OTOF: variants seen among roughly 807,000 people sequenced by gnomAD.
OTOF encodes the protein otoferlin.
OTOF carries 218 observed loss-of-function variants against 236.8 expected under a neutral mutation model. That is an observed-to-expected ratio of 0.92 (90% CI 0.82 to 1.03). The LOEUF is 1.03. Among genes scored for constraint, OTOF ranks in the 50% least tolerant of loss-of-function variants. The pLI is 0.00. For synonymous variants in OTOF, 1,041 were observed against 1,072.5 expected (o/e 0.97, Z 0.57); for missense variants, 2,590 against 2,694.4 (o/e 0.96, Z 0.86).
rs145866262 is a variant in OTOF at position 26,472,592 on chromosome 2, G to T, written c.3791C>A (p.Thr1264Lys). 3 of 1,613,164 alleles carry T rather than the reference G, an allele frequency of 1.9e-6. No homozygotes were observed. The highest frequency in any genetic ancestry group is 2.5e-6 in the Non-Finnish European group (3 of 1,179,854). ...LCNGGSSSHS[T>K]GEVVVTMEPE... is the part of the protein sequence containing the mutation. ...CTCCATAGTCACCACAACCTCCCCT[G>T]TGGAGTGAGAGGAGGAGCCCCCATT... The change falls in exon 30 of 47, where the codon ACA becomes AAA. Residue 1264 changes from threonine to lysine, a missense_variant. By Grantham distance (78) the Thr-to-Lys change is moderately conservative (BLOSUM62 -1). Around this residue, in one of 2 missense-constraint regions of OTOF, gnomAD observed 1,211 missense variants for 1,352.8 expected, o/e 0.90. Transcript: ENST00000272371.
chr2:26,526,238 A>G (rs949895453), intron 3 of OTOF, among the ~76,000 whole-genome samples: 7 of 151,896 alleles, frequency 4.6e-5, no homozygotes, highest in South Asian at 2.1e-4. Context: ...GAATGAATGG[A>G]TGAAAGGAAG....
Position 26,473,775 on chromosome 2 carries a change from T to G in OTOF, c.3409-208A>C, listed in dbSNP as rs1572421908. Among the ~76,000 whole-genome samples the G allele has an allele frequency of 6.6e-6, 1 of 151,614 alleles. No homozygotes were observed. Among genetic ancestry groups the G allele is most frequent in the Admixed American group, 6.6e-5 (1 of 15,236 alleles). ...AGGGTGGGGCTGCCCGGAGAAGGGG[T>G]GCAGGGTCAGGGGTGCAGACAGGAG... On this transcript the variant is annotated intron_variant, in intron 27 of 46. Transcript: ENST00000272371. This position sits in a 1 kb window ranked among gnomAD's most constrained non-coding sequence, Gnocchi z 7.2.
At chr2:26,516,367 C>T (rs1456952182) in intron 5 of OTOF, 51 bp downstream of exon 5, 5 of 1,558,870 alleles carry the variant, frequency 3.2e-6, no homozygotes, top group African/African-American at 1.4e-5. Flanking sequence ...CCCCAGGTCT[C>T]TTCCCCGTGT....
chr2:26,503,664 G>A, intron 6 of OTOF, 108 bp downstream of exon 6: 1 of 955,314 alleles, frequency 1.0e-6, no homozygotes, highest in Non-Finnish European at 1.7e-6. Context: ...CCTGGCCCTG[G>A]GACGACCTAT....
chr2:26,497,550 C>A (rs1464758038), intron 8 of OTOF, among the ~76,000 whole-genome samples: 1 of 152,180 alleles, frequency 6.6e-6, no homozygotes, highest in Non-Finnish European at 1.5e-5. Flanking sequence ...AAATGATCAT[C>A]CAGTGTCCAT....
chr2:26,475,608 G>T, intron 24 of OTOF, 115 bp from the exon 25 acceptor site: 1 of 1,195,880 alleles, frequency 8.4e-7, no homozygotes, highest in South Asian at 1.3e-5. Flanking sequence ...GGAGTGACAG[G>T]TGTCTTGATT....
At chr2:26,499,642 G>C (rs1420971830) in intron 8 of OTOF, among the ~76,000 whole-genome samples, 1 of 152,006 alleles carries the variant, frequency 6.6e-6, no homozygotes, top group Non-Finnish European at 1.5e-5. Context: ...CAAGTAGCTG[G>C]GATTACAGGT....
intron 3 of OTOF, among the ~76,000 whole-genome samples, chr2:26,521,577 T>G (rs2148106057): frequency 6.6e-6 from 1 of 152,302 alleles, no homozygotes; most frequent in Non-Finnish European, 1.5e-5. Flanking sequence ...GATACTCCGG[T>G]GGTGGTGACA....
chr2:26,462,300 G>C lies in OTOF; in HGVS notation c.5193-119C>G. 1.2e-6 allele frequency: 1 copy of C among 858,536 alleles called. No individual in the cohort carries two copies. Among genetic ancestry groups the C allele is most frequent in the East Asian group, 2.5e-5 (1 of 40,664 alleles). 53.2% of individuals were successfully genotyped at this position (858,536 alleles called of 1,614,324 possible). A position where few individuals can be genotyped will look rare whatever the true frequency, so the allele number is the denominator to read the frequency against. On this transcript the variant is annotated intron_variant, in intron 41 of 46. Coordinates refer to ENST00000272371, the MANE Select transcript of OTOF (RefSeq NM_194248.3). The surrounding 1 kb of genome is among the most constrained non-coding windows in gnomAD (Gnocchi z 4.7). ...GGGTCTTGGGGTCAGCACAGGGCCT[G>C]GGCCAGGCTGGGGCTGGAGGAGTGG...
At chr2:26,488,756 G>A (rs1470629764) in intron 11 of OTOF, among the ~76,000 whole-genome samples, 4 of 152,192 alleles carry the variant, frequency 2.6e-5, no homozygotes, top group Non-Finnish European at 5.9e-5. Flanking sequence ...AAAAGGGGAC[G>A]GCAGGGTCCT....
intron 5 of OTOF, among the ~76,000 whole-genome samples, chr2:26,508,267 C>T (rs758286291): frequency 7.2e-5 from 11 of 152,190 alleles, no homozygotes; most frequent in Non-Finnish European, 1.6e-4. Context: ...TTCAAAACCT[C>T]GGAGCATGTT....
At position 26,518,859 on chromosome 2, in the gene OTOF, C is replaced by T. The variant is rs1029008275; in HGVS notation, c.327+151G>A. On this transcript the variant is annotated intron_variant, in intron 4 of 46. Coordinates refer to ENST00000272371, the MANE Select transcript of OTOF (RefSeq NM_194248.3). Reference sequence around the variant, plus strand: ...AGCCATGGCCACAGATTGAGCCATTCCAGCAGAGTCTGACCTGAGTCTCCT... The same window carrying T: ...AGCCATGGCCACAGATTGAGCCATTTCAGCAGAGTCTGACCTGAGTCTCCT... 4.3e-6 allele frequency: 3 copies of T among 697,534 alleles called. No individual in the cohort carries two copies. The African/African-American group carries it at 5.2e-5, about 12-fold the overall frequency. The allele number at this position is 697,534 out of a possible 1,614,324, so 43.2% of individuals were successfully genotyped here.
chr2:26,481,133 C>T (rs1276281461), intron 14 of OTOF, 124 bp from the exon 15 acceptor site: 4 of 702,750 alleles, frequency 5.7e-6, no homozygotes, highest in African/African-American at 5.3e-5. Flanking sequence ...TTCATGTGTG[C>T]CATTCAGGTG....
At chr2:26,555,759 C>A (rs1409948259) in intron 1 of OTOF, among the ~76,000 whole-genome samples, 1 of 152,220 alleles carries the variant, frequency 6.6e-6, no homozygotes, top group East Asian at 1.9e-4. Flanking sequence ...CACATGGGGC[C>A]CTCTGCTGGT....
chr2:26,474,673 C>A lies in OTOF; in HGVS notation c.3128G>T (p.Gly1043Val). Residue 1043 changes from glycine (G) to valine (V), a missense_variant and splice_region_variant, in exon 26 of 47, where the codon GGC (glycine) becomes GTC (valine). Coordinates refer to ENST00000272371, the MANE Select transcript of OTOF (RefSeq NM_194248.3). ...GGTCCGGCCCATGAAGTCAGCTTTG[C>A]CCTGACGCAACAGACAACCCAGAAG... Reference protein sequence around the residue: ...VIEIYDQDSMGKADFMGRTFA... With the variant: ...VIEIYDQDSMVKADFMGRTFA... 1 of 1,613,228 alleles carries A rather than the reference C, an allele frequency of 6.2e-7. No homozygotes were observed. The highest frequency in any genetic ancestry group is 8.5e-7 in the Non-Finnish European group (1 of 1,179,994).
Position 26,480,295 on chromosome 2 carries a change from A to C in OTOF, c.1820T>G (p.Met607Arg), listed in dbSNP as rs1481482514. 6.2e-7 allele frequency: 1 copy of C among 1,607,482 alleles called. No homozygotes were observed. Among genetic ancestry groups the C allele is most frequent in the East Asian group, 2.2e-5 (1 of 44,872 alleles). The change falls in exon 16 of 47, where the codon ATG becomes AGG. Residue 607 changes from methionine to arginine, a missense_variant. Coordinates refer to ENST00000272371, the MANE Select transcript of OTOF (RefSeq NM_194248.3). ...TPISESCAGKMEEFFLFGAFL... is the reference protein window; with the variant it reads ...TPISESCAGKREEFFLFGAFL... ...GGCTCCAAAGAGAAAGAATTCTTCC[A>C]TTTTACCTGCACAGCTCTGTGGGGA...
chr2:26,477,170 A>G lies in OTOF; in HGVS notation c.2523+2T>C. On this transcript the variant is annotated splice_donor_variant, in intron 21 of 46. Transcript: ENST00000272371. LOFTEE classifies it high-confidence loss of function. This position sits in a 1 kb window ranked among gnomAD's most constrained non-coding sequence, Gnocchi z 4.7. The stretch of plus-strand genomic sequence containing the variant: ...GCAAAGCCCCGACCCCTTGGGCCGC[A>G]CCTCGTCCGCCAGGAAGCGCAGCTT... The G allele has an allele frequency of 6.2e-7, 1 of 1,609,314 alleles. No individual in the cohort carries two copies. The highest frequency in any genetic ancestry group is 8.5e-7 in the Non-Finnish European group (1 of 1,179,142).
At chr2:26,479,167 C>G in intron 18 of OTOF, 97 bp downstream of exon 18, 2 of 1,504,462 alleles carry the variant, frequency 1.3e-6, no homozygotes, top group Non-Finnish European at 1.8e-6. Context: ...CCTGCAGCCC[C>G]CTGGGCAGAC....
At chr2:26,506,905 C>T (rs542249975) in intron 5 of OTOF, among the ~76,000 whole-genome samples, 5 of 152,116 alleles carry the variant, frequency 3.3e-5, no homozygotes, top group African/African-American at 1.2e-4. Flanking sequence ...GCAGGAGAAT[C>T]GCTTGAACTA....
Sources: gnomAD v4.1 joint callset for allele counts (sites outside exome capture counted in the v4.1 genomes callset) on GRCh38, gnomAD v4.1.1 for gene constraint, gnomAD v4.1.1 regional missense constraint, Gnocchi (gnomAD v3.1) non-coding constraint, MANE v1.5 for transcripts, NCBI Gene and HGNC (gene_info 2026-07-23, HGNC 2026-07-21) for gene names.